The following NCLN variants were observed in gnomAD, a reference collection of about 807,000 sequenced individuals.
NCLN encodes the protein BOS complex subunit NCLN.
A neutral mutation model predicts 69.5 loss-of-function variants in NCLN; 34 were observed. That is an observed-to-expected ratio of 0.49 (90% confidence interval 0.37 to 0.65). NCLN has a LOEUF of 0.65. NCLN is among the 30% of genes least tolerant of loss of function. The probability of loss-of-function intolerance (pLI) is 0.00; values close to 1 mark genes in which losing one functional copy is unlikely to be tolerated. For missense variants in NCLN, 710 were observed against 804.8 expected (o/e 0.88, Z 1.42); for synonymous variants, 393 against 358.3 (o/e 1.10, Z -1.09).
At chr19:3,199,370 G>A (rs1027881871) in intron 5 of NCLN, among the ~76,000 whole-genome samples, 9 of 152,248 alleles carry the variant, frequency 5.9e-5, no homozygotes, top group Non-Finnish European at 8.8e-5. Context: ...GAGCTGGGAC[G>A]ACAGCCCAAA....
Position 3,207,706 on chromosome 19 carries a change from C to T in NCLN, c.*18C>T, listed in dbSNP as rs549477603. On this transcript the variant is annotated 3_prime_UTR_variant, in exon 15 of 15. Coordinates refer to ENST00000246117, the MANE Select transcript of NCLN (RefSeq NM_020170.4). ...CACAGTGACACAGCCACCCCCACAG[C>T]CGGAGCCCCCGCCGCTCCACAGTCC... 3 of 1,600,784 alleles carry T rather than the reference C, an allele frequency of 1.9e-6. No individual in the cohort carries two copies. The highest frequency in any genetic ancestry group is 1.7e-6 in the Non-Finnish European group (2 of 1,169,610).
chr19:3,186,752 C>T (rs1217707570), intron 1 of NCLN, among the ~76,000 whole-genome samples: 3 of 152,180 alleles, frequency 2.0e-5, no homozygotes, highest in African/African-American at 4.8e-5. Flanking sequence ...AGTTAAAGGT[C>T]CCTGCACTGA....
At chr19:3,192,973 G>T (rs554439533) in intron 2 of NCLN, among the ~76,000 whole-genome samples, 38 of 150,208 alleles carry the variant, frequency 2.5e-4, no homozygotes, top group African/African-American at 9.3e-4. Flanking sequence ...ACAGGGCTGC[G>T]CAGGAGAACC....
intron 13 of NCLN, 68 bp from the exon 14 acceptor site, chr19:3,207,322 CG>C (rs537169780): frequency 3.7e-5 from 59 of 1,612,280 alleles, no homozygotes; most frequent in African/African-American, 3.3e-4. Context: ...CTGCGGCCCA[CG>C]GGGGTCTAGG....
chr19:3,204,625 T>C lies in NCLN; in HGVS notation c.1082T>C (p.Ile361Thr). The C allele has an allele frequency of 6.2e-7, 1 of 1,604,188 alleles. No homozygotes were observed. Among genetic ancestry groups the C allele is most frequent in the Non-Finnish European group, 8.5e-7 (1 of 1,175,792 alleles). Residue 361 changes from isoleucine (I) to threonine (T), a missense_variant, in exon 9 of 15, where the codon ATC becomes ACC. Transcript: ENST00000246117. ...EVRFSMVHKR[I>T]NLAEDVLAWE... ...CGGTTCTCCATGGTGCACAAGCGGA[T>C]CAACCTGGCGGAGGACGTGCTGGCC...
intron 6 of NCLN, among the ~76,000 whole-genome samples, chr19:3,201,863 G>C (rs1916134507): frequency 6.6e-6 from 1 of 152,178 alleles, no homozygotes; most frequent in East Asian, 1.9e-4. Context: ...TGGGAATGCT[G>C]TCAGCTGCAA....
In NCLN at chr19:3,189,730, A is replaced by T. The variant is rs116200807; in HGVS notation, c.185-2740A>T. Among the ~76,000 whole-genome samples, 1,120 of 151,920 alleles carry T rather than the reference A, an allele frequency of 7.4e-3. 13 individuals are homozygous for T. Among genetic ancestry groups the T allele is most frequent in the African/African-American group, 0.026 (1,076 of 41,394 alleles). Reference sequence around the variant, plus strand: ...CACTAGCTTGTGGCCACCCGGCCCGACCCTGGCCCTCGAGGGAGGCTGGGG... The same window carrying T: ...CACTAGCTTGTGGCCACCCGGCCCGTCCCTGGCCCTCGAGGGAGGCTGGGG... On this transcript the variant is annotated intron_variant, in intron 1 of 14. Coordinates refer to ENST00000246117, the MANE Select transcript of NCLN (RefSeq NM_020170.4).
Position 3,206,384 on chromosome 19 carries a change from C to T in NCLN, c.1458C>T (p.Tyr486=), listed in dbSNP as rs369886768. Residue 486 remains tyrosine (Y), a synonymous_variant, in exon 12 of 15, where the codon TAC becomes TAT. Transcript: ENST00000246117. ...CGCTGGAGCACCACCTGAGCCGCTA[C>T]CTGAAGGACGTGAAGCAGCACCACG... The part of the protein sequence containing the change: ...LSTLEHHLSR[Y]LKDVKQHHVK... The T allele has an allele frequency of 6.5e-7, 1 of 1,548,124 alleles. No homozygotes were observed. The highest frequency in any genetic ancestry group is 1.4e-5 in the African/African-American group (1 of 72,998).
Position 3,198,890 on chromosome 19 carries a change from T to G in NCLN, c.689T>G (p.Val230Gly). 15 of 1,527,912 alleles carry G rather than the reference T, an allele frequency of 9.8e-6. No homozygotes were observed. The highest frequency in any genetic ancestry group is 1.3e-5 in the Non-Finnish European group (15 of 1,135,594). 94.6% of individuals were successfully genotyped at this position (1,527,912 alleles called of 1,614,324 possible). A position where few individuals can be genotyped will look rare whatever the true frequency, so the allele number is the denominator to read the frequency against. The change falls in exon 5 of 15, where the codon GTG becomes GGG. Residue 230 changes from valine to glycine, a missense_variant. Val to Gly is a moderately radical substitution (Grantham distance 109). Transcript: ENST00000246117. ...GTGGCCCACTACGACGCCTTTGGAGTGGCCCCCGTACGTATGTGTGTCCCC... is the reference window on the plus strand; with the variant it reads ...GTGGCCCACTACGACGCCTTTGGAGGGGCCCCCGTACGTATGTGTGTCCCC... Reference protein sequence around the residue: ...VIVAHYDAFGVAPWLSLGADS... With the variant: ...VIVAHYDAFGGAPWLSLGADS...
intron 6 of NCLN, 40 bp downstream of exon 6, chr19:3,201,666 C>T: frequency 1.5e-6 from 2 of 1,366,468 alleles, no homozygotes; most frequent in South Asian, 1.3e-5. Context: ...GGTGCGGGGG[C>T]CACACTGCCG....
At chr19:3,203,536 C>T (rs1916180065) in intron 6 of NCLN, among the ~76,000 whole-genome samples, 1 of 152,114 alleles carries the variant, frequency 6.6e-6, no homozygotes. Context: ...AGGGATGCCA[C>T]TCAGCACCCT....
intron 1 of NCLN, among the ~76,000 whole-genome samples, chr19:3,187,733 C>T (rs549104565): frequency 1.4e-3 from 213 of 152,292 alleles, no homozygotes; most frequent in African/African-American, 4.1e-3. Flanking sequence ...GAGAACGATC[C>T]GGCCCTAATG....
At chr19:3,196,864 C>T (rs1045126914) in intron 4 of NCLN, among the ~76,000 whole-genome samples, 7 of 152,366 alleles carry the variant, frequency 4.6e-5, no homozygotes, top group African/African-American at 1.7e-4. Flanking sequence ...CATTTCCCTG[C>T]GGGACGGCGC....
At chr19:3,206,789 A>G (rs186524036) in intron 12 of NCLN, among the ~76,000 whole-genome samples, 37 of 152,312 alleles carry the variant, frequency 2.4e-4, no homozygotes, top group African/African-American at 8.2e-4. Context: ...TGGGCAACAT[A>G]GCAAGACCCC....
At chr19:3,192,390 T>A in intron 1 of NCLN, 80 bp from the exon 2 acceptor site, 1 of 1,212,990 alleles carries the variant, frequency 8.2e-7, no homozygotes, top group Non-Finnish European at 1.1e-6. Context: ...GGCTGCTGAG[T>A]GGGTCCCTGG....
At chr19:3,187,595 C>T (rs780455705) in intron 1 of NCLN, among the ~76,000 whole-genome samples, 16 of 152,176 alleles carry the variant, frequency 1.1e-4, no homozygotes, top group Admixed American at 2.6e-4. Flanking sequence ...TGTTGTCAAC[C>T]GAGGGGACGC....
At chr19:3,203,448 G>A (rs1439018421) in intron 6 of NCLN, among the ~76,000 whole-genome samples, 1 of 152,190 alleles carries the variant, frequency 6.6e-6, no homozygotes, top group African/African-American at 2.4e-5. Context: ...CTAACGTGGG[G>A]TGGCCCTGCT....
rs928813530 is a variant in NCLN at position 3,185,976 on chromosome 19, C to T, written c.-55C>T. The T allele has an allele frequency of 1.6e-4, 221 of 1,355,360 alleles. No homozygotes were observed. Among genetic ancestry groups the T allele is most frequent in the Admixed American group, 2.0e-4 (5 of 25,012 alleles). 84.0% of individuals were successfully genotyped at this position (1,355,360 alleles called of 1,614,324 possible). On this transcript the variant is annotated 5_prime_UTR_variant, in exon 1 of 15. Transcript: ENST00000246117. Reference sequence around the variant, plus strand: ...GCCGAGGTGAGTCCGCGGGAGCCGCCGCCGCCGCCGTCCCGTCCCAGCTGC... The same window carrying T: ...GCCGAGGTGAGTCCGCGGGAGCCGCTGCCGCCGCCGTCCCGTCCCAGCTGC...
intron 1 of NCLN, among the ~76,000 whole-genome samples, chr19:3,190,650 C>T (rs1915795501): frequency 6.6e-6 from 1 of 152,212 alleles, no homozygotes; most frequent in African/African-American, 2.4e-5. Context: ...GGCTGGCTCC[C>T]ACGGGGACGC....
Sources: allele counts gnomAD v4.1 joint callset (sites outside exome capture counted in the v4.1 genomes callset), GRCh38; gene constraint gnomAD v4.1.1; transcripts MANE v1.5; gene names NCBI Gene and HGNC (gene_info 2026-07-23, HGNC 2026-07-21).